Variants in STAU2 observed in about 807,000 individuals in gnomAD.
The protein encoded by STAU2 is staufen double-stranded RNA binding protein 2.
A neutral mutation model predicts 65.9 loss-of-function variants in STAU2; 20 were observed. The observed-to-expected ratio is 0.30, with a 90% CI of 0.21 to 0.44. The LOEUF (loss-of-function observed/expected upper bound fraction) is 0.44, where lower values mean the gene tolerates loss of function less well. Among genes scored for constraint, STAU2 ranks in the 20% least tolerant of loss-of-function variants. STAU2 has a pLI of 1.00. For synonymous variants in STAU2, 232 were observed against 233.9 expected (o/e 0.99, Z 0.07); for missense variants, 558 against 683.9 (o/e 0.82, Z 2.05).
At chr8:73,682,321 A>T (rs1052168040) in intron 5 of STAU2, among the ~76,000 whole-genome samples, 4 of 151,866 alleles carry the variant, frequency 2.6e-5, no homozygotes, top group African/African-American at 9.7e-5. Context: ...CTGCAAAAGG[A>T]ACACTCAAAA....
intron 5 of STAU2, among the ~76,000 whole-genome samples, chr8:73,681,956 C>T (rs1338740074): frequency 6.6e-6 from 1 of 152,100 alleles, no homozygotes; most frequent in Non-Finnish European, 1.5e-5. Context: ...GCACCTAACA[C>T]TGGAGTTCCC....
chr8:73,598,682 A>G (rs564292293), intron 10 of STAU2, among the ~76,000 whole-genome samples: 14 of 152,288 alleles, frequency 9.2e-5, no homozygotes, highest in African/African-American at 3.1e-4. Context: ...CAAATCCTAG[A>G]CAGAGAAATA....
chr8:73,467,603 GAT>G (rs776541866), intron 13 of STAU2, among the ~76,000 whole-genome samples: 4 of 152,200 alleles, frequency 2.6e-5, no homozygotes, highest in Non-Finnish European at 5.9e-5. Context: ...GGGTGGGAAA[GAT>G]ATCATTTGTC....
intron 13 of STAU2, among the ~76,000 whole-genome samples, chr8:73,476,135 G>C (rs1563614648): frequency 6.6e-6 from 1 of 152,148 alleles, no homozygotes; most frequent in Admixed American, 6.5e-5. Context: ...AGCGATATGG[G>C]CACCTTTATT....
At chr8:73,651,628 C>T in intron 6 of STAU2, 1 of 597,312 alleles carries the variant, frequency 1.7e-6, no homozygotes, top group Non-Finnish European at 3.0e-6. Context: ...GGGGTCTCTG[C>T]AAGTGGAACA....
intron 13 of STAU2, among the ~76,000 whole-genome samples, chr8:73,473,404 G>A (rs1359157430): frequency 6.6e-6 from 1 of 152,208 alleles, no homozygotes; most frequent in Non-Finnish European, 1.5e-5. Flanking sequence ...CAGAATGGCT[G>A]TGCAATACGG....
At chr8:73,434,297 C>A (rs116798916) in intron 13 of STAU2, among the ~76,000 whole-genome samples, 2 of 151,360 alleles carry the variant, frequency 1.3e-5, no homozygotes, top group Admixed American at 1.3e-4. Flanking sequence ...GTGGATTCTC[C>A]CCTAGAGCCT....
intron 11 of STAU2, among the ~76,000 whole-genome samples, chr8:73,592,873 A>G (rs1466895149): frequency 6.6e-6 from 1 of 151,918 alleles, no homozygotes; most frequent in Non-Finnish European, 1.5e-5. Flanking sequence ...AAACAACAAA[A>G]AAATCCTGTT....
In STAU2 at chr8:73,738,424, C is replaced by G. The variant is rs1443328093; in HGVS notation, c.-83-75G>C. 4 of 991,150 alleles carry G rather than the reference C, an allele frequency of 4.0e-6. No homozygotes were observed. In the African/African-American group the frequency reaches 6.7e-5, roughly 16 times the overall value. The allele number at this position is 991,150 out of a possible 1,614,324, so 61.4% of individuals were successfully genotyped here. A position where few individuals can be genotyped will look rare whatever the true frequency, so the allele number is the denominator to read the frequency against. The stretch of plus-strand genomic sequence containing the variant: ...ATGACTGGTATTTTAAACACATGCC[C>G]TTGATCAAAATCAAATATAAAATGT... On this transcript the variant is annotated intron_variant, in intron 2 of 14. Transcript: ENST00000524300.
intron 1 of STAU2, among the ~76,000 whole-genome samples, chr8:73,741,223 T>G (rs1806843571): frequency 2.1e-5 from 3 of 145,762 alleles, no homozygotes; most frequent in East Asian, 4.2e-4. Context: ...GAGAATGGCG[T>G]GAACCCGGGA....
At chr8:73,494,018 G>C (rs1757437011) in intron 13 of STAU2, among the ~76,000 whole-genome samples, 1 of 151,732 alleles carries the variant, frequency 6.6e-6, no homozygotes, top group Non-Finnish European at 1.5e-5. Context: ...TTGCCTTTGA[G>C]GGTCGTGTGG....
rs563852391 is a variant in STAU2, at chr8:73,709,456, C to A, written c.-17-294G>T. ...AATAATTTTTTATCTTAAAAACTTTCCTTTCCCCTCAAAAAATTTACTAGA... is the reference window on the plus strand; with the variant it reads ...AATAATTTTTTATCTTAAAAACTTTACTTTCCCCTCAAAAAATTTACTAGA... On this transcript the variant is annotated intron_variant, in intron 3 of 14. Coordinates refer to ENST00000524300, the MANE Select transcript of STAU2 (RefSeq NM_001164380.2). 5.3e-5 allele frequency among the ~76,000 whole-genome samples: 8 copies of A among 151,970 alleles called. No individual in the cohort carries two copies. In the East Asian group the frequency reaches 1.4e-3, roughly 26 times the overall value.
At chr8:73,660,932 C>A (rs377717873) in intron 6 of STAU2, among the ~76,000 whole-genome samples, 2 of 152,024 alleles carry the variant, frequency 1.3e-5, no homozygotes, top group African/African-American at 4.8e-5. Context: ...GATGTAAATT[C>A]TTTTAAATCT....
At chr8:73,611,953 G>T (rs1586120235) in intron 9 of STAU2, among the ~76,000 whole-genome samples, 1 of 152,108 alleles carries the variant, frequency 6.6e-6, no homozygotes, top group Non-Finnish European at 1.5e-5. Context: ...AAAGTGCTGG[G>T]ATTACAGGCA....
At chr8:73,609,546 C>T (rs761369537) in intron 9 of STAU2, among the ~76,000 whole-genome samples, 8 of 151,514 alleles carry the variant, frequency 5.3e-5, no homozygotes, top group Non-Finnish European at 1.0e-4. Flanking sequence ...CCCAGCTACT[C>T]GGGAGGCTGA....
intron 5 of STAU2, 24 bp downstream of exon 5, chr8:73,688,630 T>C (rs1819117955): frequency 6.2e-7 from 1 of 1,609,916 alleles, no homozygotes; most frequent in Non-Finnish European, 8.5e-7. Flanking sequence ...GCAGACAACA[T>C]AACAGAAGGA....
intron 13 of STAU2, among the ~76,000 whole-genome samples, chr8:73,488,852 T>TA (rs1821036712): frequency 6.6e-6 from 1 of 152,030 alleles, no homozygotes; most frequent in Non-Finnish European, 1.5e-5. Context: ...CAATGCTTAA[T>TA]AACTCATTGT....
intron 6 of STAU2, among the ~76,000 whole-genome samples, chr8:73,658,286 T>C (rs1816540920): frequency 6.6e-6 from 1 of 152,046 alleles, no homozygotes; most frequent in Admixed American, 6.6e-5. Context: ...GAGAATCTCT[T>C]GAACCCAGGT....
chr8:73,472,810 GT>G (rs1395468556), intron 13 of STAU2, among the ~76,000 whole-genome samples: 1 of 152,054 alleles, frequency 6.6e-6, no homozygotes, highest in African/African-American at 2.4e-5. Flanking sequence ...GTATTAAGGG[GT>G]CATTTTATAT....
Sources: allele counts gnomAD v4.1 joint callset (sites outside exome capture counted in the v4.1 genomes callset), GRCh38; gene constraint gnomAD v4.1.1; transcripts MANE v1.5; gene names NCBI Gene and HGNC (gene_info 2026-07-23, HGNC 2026-07-21).